The following IL34 variants were observed in gnomAD, a reference collection of about 807,000 sequenced individuals.
The protein encoded by IL34 is interleukin 34, also known as interleukin-34.
In IL34, 17 loss-of-function variants were observed where a neutral mutation model predicts 25.3. That is an observed-to-expected ratio of 0.67 (90% CI 0.46 to 1.01). The LOEUF is 1.01. Ranked by LOEUF, IL34 falls within the 50% of genes least tolerant of loss-of-function variation. The probability of loss-of-function intolerance (pLI) is 0.00; values close to 1 mark genes in which losing one functional copy is unlikely to be tolerated. For missense variants in IL34, 368 were observed against 312.9 expected, an observed-to-expected ratio of 1.18 and a Z score of -1.33; for synonymous variants, 174 against 140.9, an observed-to-expected ratio of 1.23 and a Z score of -1.66.
At chr16:70,586,802 A>T (rs1381140112) in intron 1 of IL34, among the ~76,000 whole-genome samples, 1 of 152,226 alleles carries the variant, frequency 6.6e-6, no homozygotes, top group African/African-American at 2.4e-5. Context: ...AAATCGAGGT[A>T]CAGGGAAGTC....
chr16:70,636,749 C>CAG (rs1314850196), intron 1 of IL34, among the ~76,000 whole-genome samples: 1 of 151,526 alleles, frequency 6.6e-6, no homozygotes, highest in Non-Finnish European at 1.5e-5. Flanking sequence ...GCCTTGGCAA[C>CAG]AGAGAGAAAC....
At chr16:70,591,595 G>A (rs1437154224) in intron 1 of IL34, among the ~76,000 whole-genome samples, 2 of 150,886 alleles carry the variant, frequency 1.3e-5, no homozygotes, top group African/African-American at 2.4e-5. Context: ...AAAAAGAATG[G>A]CCCTCACCGT....
chr16:70,633,052 C>G (rs1363896855), intron 1 of IL34, among the ~76,000 whole-genome samples: 1 of 152,168 alleles, frequency 6.6e-6, no homozygotes, highest in East Asian at 1.9e-4. Flanking sequence ...GCAGCCTCGA[C>G]CTCCTGGGCT....
At chr16:70,645,860 C>G (rs940734899), upstream of IL34, among the ~76,000 whole-genome samples, 3 of 152,096 alleles carry the variant, frequency 2.0e-5, no homozygotes, top group African/African-American at 7.2e-5. Flanking sequence ...TGAGACTAGC[C>G]TGGCCAACAT....
chr16:70,636,651 G>A (rs993877149), intron 1 of IL34, among the ~76,000 whole-genome samples: 2 of 151,130 alleles, frequency 1.3e-5, no homozygotes, highest in African/African-American at 4.9e-5. Context: ...GCATGATTGA[G>A]TGTACCTGTG....
At chr16:70,587,075 G>C (rs1262537688) in intron 1 of IL34, among the ~76,000 whole-genome samples, 1 of 152,176 alleles carries the variant, frequency 6.6e-6, no homozygotes, top group Non-Finnish European at 1.5e-5. Context: ...AGGTCAGGGG[G>C]ATCCAGGGGC....
intron 1 of IL34, among the ~76,000 whole-genome samples, chr16:70,614,167 G>A (rs2051138161): frequency 7.0e-6 from 1 of 142,752 alleles, no homozygotes; most frequent in Non-Finnish European, 1.5e-5. Context: ...CTGGGCAATG[G>A]AGCAAAACCC....
chr16:70,610,773 A>G (rs1200686721), intron 1 of IL34, among the ~76,000 whole-genome samples: 2 of 152,190 alleles, frequency 1.3e-5, no homozygotes, highest in African/African-American at 2.4e-5. Context: ...GTCCTCAGGG[A>G]GTAGCCGTCG....
At chr16:70,616,542 C>G (rs1353140015) in intron 1 of IL34, among the ~76,000 whole-genome samples, 2 of 152,092 alleles carry the variant, frequency 1.3e-5, no homozygotes, top group East Asian at 3.9e-4. Flanking sequence ...AGCAACATGT[C>G]TGTTTATTTC....
At position 70,610,146 on chromosome 16, in the gene IL34, G is replaced by T. The variant is rs185765915; in HGVS notation, c.-401+30097G>T. 6.1e-3 allele frequency among the ~76,000 whole-genome samples: 922 copies of T among 151,658 alleles called. 9 individuals carry two copies. The highest frequency in any genetic ancestry group is 0.02 in the African/African-American group (833 of 41,238). ...GAACCTGGGAGGTGGAGGTTGCAGT[G>T]AGCCAAGATTGCGCCACTCCACTCC... On this transcript the variant is annotated intron_variant, in intron 1 of 6. Coordinates refer to the IL34 transcript ENST00000429149.
intron 1 of IL34, among the ~76,000 whole-genome samples, chr16:70,632,968 T>A (rs1489647707): frequency 6.9e-6 from 1 of 144,590 alleles, no homozygotes. Context: ...ATGTGTCTTA[T>A]CAGGACATAT....
chr16:70,628,360 T>G (rs774128926), intron 1 of IL34, among the ~76,000 whole-genome samples: 1 of 152,168 alleles, frequency 6.6e-6, no homozygotes, highest in Non-Finnish European at 1.5e-5. Context: ...GTTTACAGTT[T>G]TTTAGTATAT....
intron 2 of IL34, among the ~76,000 whole-genome samples, chr16:70,655,561 CT>C (rs199730756): frequency 0.017 from 2,604 of 151,084 alleles, 27 homozygotes; most frequent in Middle Eastern, 0.038. Flanking sequence ...CTAATTAAAA[CT>C]TTTTTTTTGA....
intron 1 of IL34, among the ~76,000 whole-genome samples, chr16:70,612,596 T>C (rs1161470097): frequency 2.6e-5 from 4 of 152,214 alleles, no homozygotes; most frequent in South Asian, 2.1e-4. Context: ...CCAGAAGCAA[T>C]GCATCCTGAA....
chr16:70,625,407 G>C lies in IL34; in HGVS notation c.-400-21141G>C, dbSNP rs1423876726. On this transcript the variant is annotated intron_variant, in intron 1 of 6. Transcript: ENST00000429149. The stretch of plus-strand genomic sequence containing the variant: ...TGGGGTGCGGAAATAAGGGATTGGG[G>C]GTTCTTGCCCCCTAGAAAAGCGGGA... Among the ~76,000 whole-genome samples, 6 of 152,096 alleles carry C rather than the reference G, an allele frequency of 3.9e-5. 1 individual carries two copies. Among genetic ancestry groups the C allele is most frequent in the Non-Finnish European group, 7.4e-5 (5 of 68,000 alleles).
chr16:70,637,679 T>G (rs989821327), intron 1 of IL34, among the ~76,000 whole-genome samples: 1 of 152,156 alleles, frequency 6.6e-6, no homozygotes, highest in Non-Finnish European at 1.5e-5. Context: ...AGATAAGGGT[T>G]GAGTTTAATT....
intron 1 of IL34, among the ~76,000 whole-genome samples, chr16:70,626,871 C>A (rs1203411801): frequency 6.6e-6 from 1 of 152,126 alleles, no homozygotes; most frequent in Non-Finnish European, 1.5e-5. Flanking sequence ...ATCATGAGCT[C>A]TTTTCTCTGT....
chr16:70,615,501 G>A (rs904228585), intron 1 of IL34, among the ~76,000 whole-genome samples: 7 of 151,830 alleles, frequency 4.6e-5, no homozygotes, highest in African/African-American at 9.7e-5. Flanking sequence ...GCAAGACTCC[G>A]TCTCAAAATA....
At chr16:70,591,975 G>C (rs1249762073) in intron 1 of IL34, among the ~76,000 whole-genome samples, 1 of 151,996 alleles carries the variant, frequency 6.6e-6, no homozygotes, top group Non-Finnish European at 1.5e-5. Context: ...TCCTGGGTGG[G>C]GGCCCTGGTA....
Sources: allele counts gnomAD v4.1 joint callset (sites outside exome capture counted in the v4.1 genomes callset), GRCh38; gene constraint gnomAD v4.1.1; transcripts MANE v1.5; gene names NCBI Gene and HGNC (gene_info 2026-07-23, HGNC 2026-07-21).